The following DMD variants were observed in gnomAD, a reference collection of about 807,000 sequenced individuals.
DMD encodes the protein dystrophin, also known as mutant dystrophin.
In DMD, 63 loss-of-function variants were observed where a neutral mutation model predicts 330.1. That is an observed-to-expected ratio of 0.19 (90% CI 0.16 to 0.24). The LOEUF (loss-of-function observed/expected upper bound fraction) is 0.24, where lower values mean the gene tolerates loss of function less well. Among genes scored for constraint, DMD ranks in the 10% least tolerant of loss-of-function variants. The pLI, the probability that DMD is intolerant of heterozygous loss-of-function variation, is 1.00. For synonymous variants in DMD, 1,223 were observed against 959.8 expected (o/e 1.27, Z -5.07); for missense variants, 3,344 against 2,684.1 (o/e 1.25, Z -5.43).
chrX:31,447,394 C>T (rs2065365231), intron 59 of DMD, among the ~76,000 whole-genome samples: 1 of 107,534 alleles, frequency 9.3e-6, no homozygotes, highest in Non-Finnish European at 1.9e-5. Flanking sequence ...GTGATGGGAA[C>T]CTCTCACAGC....
At chrX:32,871,177 C>A (rs1459874129) in intron 2 of DMD, among the ~76,000 whole-genome samples, 1 of 109,523 alleles carries the variant, frequency 9.1e-6, no homozygotes, top group Admixed American at 9.8e-5. Context: ...TATTTTTCCT[C>A]TCTGCTTCAC....
chrX:33,009,132 GTATATATATGTGTA>G lies in DMD; in HGVS notation c.93+10993_93+11006del, dbSNP rs1569548814. Among the ~76,000 whole-genome samples the G allele has an allele frequency of 6.7e-4, 21 of 31,509 alleles. 2 individuals are homozygous for G. Among genetic ancestry groups the G allele is most frequent in the African/African-American group, 2.1e-3 (17 of 8,059 alleles). 27.4% of individuals were successfully genotyped at this position (31,509 alleles called of 115,157 possible). On this transcript the variant is annotated intron_variant, in intron 2 of 78. Transcript: ENST00000357033. ...TATATGTGTATATATACGTATATATGTATATATATGTGTATATATACGTATATATGTATATATAT... is the reference window on the plus strand; with the variant it reads ...TATATGTGTATATATACGTATATATGTATATACGTATATATGTATATATAT...
chrX:32,975,984 G>A (rs992016031), intron 2 of DMD, among the ~76,000 whole-genome samples: 3 of 111,590 alleles, frequency 2.7e-5, no homozygotes, highest in African/African-American at 9.8e-5. Context: ...ACTTTGGGAG[G>A]CCGAGGTAGG....
chrX:32,067,587 C>T (rs771363847), intron 44 of DMD, among the ~76,000 whole-genome samples: 18 of 111,352 alleles, frequency 1.6e-4, no homozygotes, highest in Middle Eastern at 4.7e-3. Flanking sequence ...AGCTCCAACT[C>T]ATAACTGAGT....
intron 54 of DMD, among the ~76,000 whole-genome samples, chrX:31,628,943 A>ATATATATATATATATATATAT (rs756897440): frequency 4.2e-5 from 3 of 70,643 alleles, no homozygotes; most frequent in South Asian, 1.1e-3. Flanking sequence ...TATATATATA[A>ATATATATATATATATATATAT]AATGCATGTA....
chrX:32,478,037 G>C (rs2041420998), intron 21 of DMD, among the ~76,000 whole-genome samples: 1 of 111,687 alleles, frequency 9.0e-6, no homozygotes, highest in Non-Finnish European at 1.9e-5. Context: ...TGTTAATGTG[G>C]TTTCTAGAAC....
intron 7 of DMD, among the ~76,000 whole-genome samples, chrX:32,762,022 C>T (rs769277905): frequency 1.8e-4 from 20 of 108,687 alleles, no homozygotes; most frequent in Admixed American, 4.9e-4. Flanking sequence ...TAGTTGCACG[C>T]GCCTGTAATC....
In DMD at chrX:32,517,782, C is replaced by T. The variant is rs878981135; in HGVS notation, c.2292+226G>A. On this transcript the variant is annotated intron_variant, in intron 18 of 78. Transcript: ENST00000357033. ...TAGTTAAATAATATGTAAGTTAAGG[C>T]AAGTTTATGAAAGGCATCCCTAGTC... is the stretch of plus-strand genomic sequence containing the variant. The T allele has an allele frequency of 2.3e-5, 10 of 436,617 alleles. No homozygotes were observed. The South Asian group carries it at 4.0e-4, about 18-fold the overall frequency. The allele number at this position is 436,617 out of a possible 1,213,427, so 36.0% of individuals were successfully genotyped here. A position where few individuals can be genotyped will look rare whatever the true frequency, so the allele number is the denominator to read the frequency against.
In DMD at chrX:32,390,615, T is replaced by A. The variant is rs573223739; in HGVS notation, c.4234-434A>T. 2.2e-4 allele frequency among the ~76,000 whole-genome samples: 25 copies of A among 112,168 alleles called. No homozygotes were observed. The South Asian group carries it at 8.5e-3, about 38-fold the overall frequency. On this transcript the variant is annotated intron_variant, in intron 30 of 78. Coordinates refer to ENST00000357033, the MANE Select transcript of DMD (RefSeq NM_004006.3). ...TGTTAATCTGTAAGATTCAGCCAAC[T>A]GTGACAGGGATGAGATATAATGAGA... is the stretch of plus-strand genomic sequence containing the variant.
chrX:32,856,339 T>A (rs2081555322), intron 2 of DMD, among the ~76,000 whole-genome samples: 1 of 112,060 alleles, frequency 8.9e-6, no homozygotes, highest in Non-Finnish European at 1.9e-5. Context: ...AATCAGTTTG[T>A]CAAAGAAATA....
chrX:32,641,819 G>A (rs1382159283), intron 11 of DMD, among the ~76,000 whole-genome samples: 1 of 110,720 alleles, frequency 9.0e-6, no homozygotes, highest in Non-Finnish European at 1.9e-5. Context: ...AGAGAGAAAA[G>A]AAGTATCGAT....
chrX:32,644,479 G>C (rs181595273), intron 10 of DMD, among the ~76,000 whole-genome samples, 166 bp from the exon 11 acceptor site: 1 of 110,897 alleles, frequency 9.0e-6, no homozygotes, highest in Non-Finnish European at 1.9e-5. Flanking sequence ...CTTTTAATAT[G>C]AATTAAGGAA....
intron 75 of DMD, 43 bp from the exon 76 acceptor site, chrX:31,146,457 C>T: frequency 8.5e-7 from 1 of 1,176,517 alleles, no homozygotes. Context: ...TCATAATAAA[C>T]ATACAAATGT....
intron 2 of DMD, among the ~76,000 whole-genome samples, chrX:32,900,232 G>C (rs190322386): frequency 8.9e-6 from 1 of 111,763 alleles, no homozygotes; most frequent in East Asian, 2.8e-4. Context: ...AAATTGTGTT[G>C]GTATGAATAG....
At chrX:33,184,720 C>CTTTTTTTTTTTTT (rs11317329) in intron 1 of DMD, among the ~76,000 whole-genome samples, 3 of 51,086 alleles carry the variant, frequency 5.9e-5, no homozygotes, top group East Asian at 5.5e-4. Flanking sequence ...TTTTTTCTTT[C>CTTTTTTTTTTTTT]TTTTTTTTTT....
At chrX:32,819,272 T>A (rs768608268) in intron 5 of DMD, among the ~76,000 whole-genome samples, 1 of 111,094 alleles carries the variant, frequency 9.0e-6, no homozygotes, top group African/African-American at 3.3e-5. Context: ...GCGAACGTCA[T>A]CATTCTCCTG....
chrX:33,008,804 G>GTC (rs1569548677), intron 2 of DMD, among the ~76,000 whole-genome samples: 1 of 28,279 alleles, frequency 3.5e-5, no homozygotes, highest in African/African-American at 1.6e-4. Context: ...GTATATATAC[G>GTC]TATATATACA....
chrX:31,166,081 C>T (rs1263271597), intron 74 of DMD, among the ~76,000 whole-genome samples: 1 of 111,894 alleles, frequency 8.9e-6, no homozygotes, highest in African/African-American at 3.2e-5. Context: ...CTTTTCTCTA[C>T]GAAATTAGGT....
intron 44 of DMD, among the ~76,000 whole-genome samples, chrX:32,176,488 T>C (rs2096906974): frequency 8.9e-6 from 1 of 112,285 alleles, no homozygotes; most frequent in Non-Finnish European, 1.9e-5. Flanking sequence ...GATGATCACA[T>C]ACAAATCAGA....
Sources: gnomAD v4.1 joint callset for allele counts (sites outside exome capture counted in the v4.1 genomes callset) on GRCh38, gnomAD v4.1.1 for gene constraint, MANE v1.5 for transcripts, NCBI Gene and HGNC (gene_info 2026-07-23, HGNC 2026-07-21) for gene names.